SEMA3E: variants seen among roughly 807,000 people sequenced by gnomAD.
SEMA3E encodes the protein semaphorin-3E.
In SEMA3E, 49 loss-of-function variants were observed where a neutral mutation model predicts 93.6. That is an observed-to-expected ratio of 0.52 (90% CI 0.42 to 0.66). The LOEUF is 0.66. SEMA3E is among the 30% of genes least tolerant of loss of function. SEMA3E has a pLI of 0.00. For missense variants in SEMA3E, 906 were observed against 964.8 expected (o/e 0.94, Z 0.81); for synonymous variants, 363 against 330.7 (o/e 1.10, Z -1.06).
intron 1 of SEMA3E, among the ~76,000 whole-genome samples, chr7:83,588,691 G>C (rs1792685658): frequency 1.3e-5 from 2 of 152,226 alleles, no homozygotes; most frequent in African/African-American, 2.4e-5. Context: ...ACCTTAAAAT[G>C]ATTTAATTTT....
chr7:83,493,369 A>T (rs1036617596), intron 1 of SEMA3E, among the ~76,000 whole-genome samples: 3 of 151,920 alleles, frequency 2.0e-5, no homozygotes, highest in Non-Finnish European at 2.9e-5. Context: ...AAAAAAATAT[A>T]ATAAGGAATT....
intron 1 of SEMA3E, among the ~76,000 whole-genome samples, chr7:83,581,505 G>A (rs1488954977): frequency 1.3e-5 from 2 of 151,954 alleles, no homozygotes; most frequent in African/African-American, 4.8e-5. Flanking sequence ...TTAATGGTAG[G>A]TTTATTTAAC....
At chr7:83,577,047 A>G (rs1178689217) in intron 1 of SEMA3E, among the ~76,000 whole-genome samples, 2 of 152,208 alleles carry the variant, frequency 1.3e-5, no homozygotes, top group Non-Finnish European at 2.9e-5. Flanking sequence ...TCCCTTATGC[A>G]ATGTAAGATT....
chr7:83,448,793 G>C (rs1169342284), intron 4 of SEMA3E, among the ~76,000 whole-genome samples: 1 of 152,104 alleles, frequency 6.6e-6, no homozygotes, highest in Non-Finnish European at 1.5e-5. Flanking sequence ...GGTTGACACA[G>C]TATCATAAAT....
At chr7:83,515,865 T>C (rs567393915) in intron 1 of SEMA3E, among the ~76,000 whole-genome samples, 2 of 152,082 alleles carry the variant, frequency 1.3e-5, no homozygotes, top group African/African-American at 4.8e-5. Flanking sequence ...ACGTCTCCAC[T>C]AAAAATAAAA....
intron 16 of SEMA3E, among the ~76,000 whole-genome samples, chr7:83,382,644 A>T (rs1787799146): frequency 6.6e-6 from 1 of 151,526 alleles, no homozygotes; most frequent in Non-Finnish European, 1.5e-5. Flanking sequence ...TTTAATTTAC[A>T]TTTATAATTC....
At chr7:83,438,382 C>T (rs748443767) in intron 4 of SEMA3E, among the ~76,000 whole-genome samples, 26 of 152,138 alleles carry the variant, frequency 1.7e-4, no homozygotes, top group Middle Eastern at 3.4e-3. Context: ...AAAGCAGGCC[C>T]ATACTTAAAA....
At chr7:83,528,084 A>G (rs1028563496) in intron 1 of SEMA3E, among the ~76,000 whole-genome samples, 1 of 152,062 alleles carries the variant, frequency 6.6e-6, no homozygotes, top group African/African-American at 2.4e-5. Flanking sequence ...TTTTTGTCAG[A>G]ATTCTTACTA....
chr7:83,517,537 T>C (rs953520764), intron 1 of SEMA3E, among the ~76,000 whole-genome samples: 1 of 152,218 alleles, frequency 6.6e-6, no homozygotes, highest in Non-Finnish European at 1.5e-5. Flanking sequence ...AGCTACTAGA[T>C]TCCATTGTTA....
At chr7:83,569,530 G>A (rs1792230884) in intron 1 of SEMA3E, among the ~76,000 whole-genome samples, 1 of 151,796 alleles carries the variant, frequency 6.6e-6, no homozygotes, top group Non-Finnish European at 1.5e-5. Context: ...CAAAGTAAAG[G>A]GACAGAGAAA....
chr7:83,393,660 G>A (rs1286413205), intron 13 of SEMA3E, among the ~76,000 whole-genome samples: 1 of 152,118 alleles, frequency 6.6e-6, no homozygotes, highest in African/African-American at 2.4e-5. Context: ...ACAAGTGGCT[G>A]AACATTTAAT....
intron 1 of SEMA3E, among the ~76,000 whole-genome samples, chr7:83,516,846 A>T (rs1386453710): frequency 6.6e-6 from 1 of 151,894 alleles, no homozygotes; most frequent in East Asian, 1.9e-4. Flanking sequence ...TTTTACCAGT[A>T]CCTTCCAGGG....
intron 1 of SEMA3E, among the ~76,000 whole-genome samples, chr7:83,606,418 A>G (rs1337858766): frequency 6.6e-6 from 1 of 151,692 alleles, no homozygotes; most frequent in Non-Finnish European, 1.5e-5. Flanking sequence ...TACACCATGG[A>G]ATACTATGCA....
chr7:83,499,088 TAGAG>T (rs1427152183), intron 1 of SEMA3E, among the ~76,000 whole-genome samples: 1 of 152,170 alleles, frequency 6.6e-6, no homozygotes, highest in African/African-American at 2.4e-5. Context: ...TATCAAAACT[TAGAG>T]AGGTTATAGT....
At chr7:83,388,218 A>G (rs986183703) in intron 14 of SEMA3E, among the ~76,000 whole-genome samples, 1 of 149,036 alleles carries the variant, frequency 6.7e-6, no homozygotes, top group Non-Finnish European at 1.5e-5. Context: ...CTGAGACAGG[A>G]GAATCGCCTG....
At position 83,385,408 on chromosome 7, in the gene SEMA3E, T is replaced by C. The variant is rs768082404; in HGVS notation, c.1761A>G (p.Glu587=). 6.2e-7 allele frequency: 1 copy of C among 1,613,500 alleles called. No homozygotes were observed. Among genetic ancestry groups the C allele is most frequent in the Non-Finnish European group, 8.5e-7 (1 of 1,179,566 alleles). Reference sequence around the variant, plus strand: ...TGTTCTCTATGCCATAAGCCAGATGTTCTTCAGTCTTATCCAAAGCATCCC... The same window carrying C: ...TGTTCTCTATGCCATAAGCCAGATGCTCTTCAGTCTTATCCAAAGCATCCC... ...FVGDALDKTE[E]HLAYGIENNS... Residue 587 remains glutamate, a synonymous_variant, in exon 16 of 17, where the codon GAA becomes GAG. Transcript: ENST00000643230.
intron 1 of SEMA3E, among the ~76,000 whole-genome samples, chr7:83,524,163 C>A (rs13226791): frequency 0.53 from 80,182 of 151,920 alleles, 23,503 homozygotes; most frequent in Middle Eastern, 0.69. Flanking sequence ...GCCTCATAGA[C>A]CTTGTAAGAT....
At chr7:83,432,685 G>A (rs541437696) in intron 4 of SEMA3E, among the ~76,000 whole-genome samples, 30 of 152,250 alleles carry the variant, frequency 2.0e-4, no homozygotes, top group African/African-American at 7.0e-4. Context: ...ATTAATTAGT[G>A]CCATGATTTT....
At position 83,466,580 on chromosome 7, in the gene SEMA3E, G is replaced by A. The variant is rs748315427; in HGVS notation, c.358C>T (p.Arg120Trp). The A allele has an allele frequency of 8.7e-6, 14 of 1,613,434 alleles. No individual in the cohort carries two copies. Among genetic ancestry groups the A allele is most frequent in the East Asian group, 2.2e-5 (1 of 44,872 alleles). ...KDAGECANYV[R>W]VLHHYNRTHL... ...GTCCTGTTATAGTGATGCAAAACCC[G>A]AACATAATTTGCACATTCACCCTAA... The change falls in exon 4 of 17, where the codon CGG becomes TGG. Residue 120 changes from arginine (R) to tryptophan (W), a missense_variant. Physicochemically the swap from Arg to Trp is moderately radical, Grantham distance 101 (BLOSUM62 -3). Coordinates refer to ENST00000643230, the MANE Select transcript of SEMA3E (RefSeq NM_012431.3).
Sources: gnomAD v4.1 joint callset for allele counts (sites outside exome capture counted in the v4.1 genomes callset) on GRCh38, gnomAD v4.1.1 for gene constraint, MANE v1.5 for transcripts, NCBI Gene and HGNC (gene_info 2026-07-23, HGNC 2026-07-21) for gene names.